GALNT13: variants seen among roughly 807,000 people sequenced by gnomAD.
The protein encoded by GALNT13 is UDP-GalNAc:polypeptide N-acetylgalactosaminyltransferase 13.
Under a neutral mutation model 64.2 loss-of-function variants are expected in GALNT13, and 28 were observed. The observed-to-expected ratio is 0.44, with a 90% CI of 0.32 to 0.60. GALNT13 has a LOEUF of 0.60. GALNT13 is among the 20% of genes least tolerant of loss of function. GALNT13 has a pLI of 0.05. For missense variants in GALNT13, 577 were observed against 669.8 expected (o/e 0.86, Z 1.53); for synonymous variants, 214 against 224.6 (o/e 0.95, Z 0.42).
the GALNT13 span, among the ~76,000 whole-genome samples, chr2:153,515,518 A>G: frequency 6.6e-6 from 1 of 152,188 alleles, no homozygotes; most frequent in Admixed American, 6.5e-5. Flanking sequence ...AGCAACAACC[A>G]TGTACCAAAT....
At chr2:153,850,885 T>C in the GALNT13 span, among the ~76,000 whole-genome samples, 1 of 152,076 alleles carries the variant, frequency 6.6e-6, no homozygotes, top group African/African-American at 2.4e-5. Context: ...AAAAAAGCAT[T>C]AGGATATGTG....
chr2:153,943,928 A>G (rs991728026), intron 2 of GALNT13, among the ~76,000 whole-genome samples: 1 of 152,204 alleles, frequency 6.6e-6, no homozygotes, highest in Non-Finnish European at 1.5e-5. Flanking sequence ...TGTGGCTTAG[A>G]AAGTCTTCTA....
At chr2:153,419,956 C>A in the GALNT13 span, among the ~76,000 whole-genome samples, 1 of 151,992 alleles carries the variant, frequency 6.6e-6, no homozygotes, top group Non-Finnish European at 1.5e-5. Context: ...TACAACAGAC[C>A]TACCTAAAAC....
chr2:154,074,338 C>T (rs1328611063), intron 3 of GALNT13, among the ~76,000 whole-genome samples: 2 of 151,774 alleles, frequency 1.3e-5, no homozygotes, highest in East Asian at 1.9e-4. Flanking sequence ...GAGAGCCAGT[C>T]GACTGGTATA....
At chr2:154,303,036 A>G (rs137925801) in intron 9 of GALNT13, among the ~76,000 whole-genome samples, 136 of 152,240 alleles carry the variant, frequency 8.9e-4, no homozygotes, top group African/African-American at 3.0e-3. Flanking sequence ...TATCTGTCAT[A>G]TGTTTTTATG....
At chr2:153,868,555 A>C (rs1362086526), upstream of GALNT13, among the ~76,000 whole-genome samples, 1 of 152,210 alleles carries the variant, frequency 6.6e-6, no homozygotes, top group East Asian at 1.9e-4. Context: ...TTTATCCATC[A>C]TTCCTAATAA....
chr2:153,581,129 T>A, the GALNT13 span, among the ~76,000 whole-genome samples: 1 of 152,106 alleles, frequency 6.6e-6, no homozygotes. Flanking sequence ...TGTACCTTAG[T>A]TTTGAACAGT....
chr2:154,282,085 G>A (rs112946591), intron 8 of GALNT13, among the ~76,000 whole-genome samples: 2,918 of 152,200 alleles, frequency 0.019, 70 homozygotes, highest in African/African-American at 0.059. Flanking sequence ...ACATTGGTGG[G>A]ATAAATACAT....
At chr2:153,478,257 C>T in the GALNT13 span, 13 of 1,613,178 alleles carry the variant, frequency 8.1e-6, no homozygotes, top group Non-Finnish European at 1.1e-5. Context: ...CCACGACCAC[C>T]GCCTCCACCT....
the GALNT13 span, among the ~76,000 whole-genome samples, chr2:153,535,406 G>A: frequency 1.3e-5 from 2 of 152,150 alleles, no homozygotes; most frequent in Non-Finnish European, 2.9e-5. Context: ...GGAGATATCA[G>A]CTGTGATGGC....
intron 8 of GALNT13, among the ~76,000 whole-genome samples, chr2:154,264,542 T>A (rs113669166): frequency 1.3e-5 from 2 of 149,260 alleles, no homozygotes; most frequent in South Asian, 4.2e-4. Context: ...GAGGCTGAGG[T>A]AGAAGAATCG....
chr2:153,406,698 A>G, the GALNT13 span, among the ~76,000 whole-genome samples: 1 of 152,158 alleles, frequency 6.6e-6, no homozygotes, highest in South Asian at 2.1e-4. Context: ...ATGAGCCACC[A>G]TGCTGGGCCA....
At chr2:153,342,759 A>G in the GALNT13 span, among the ~76,000 whole-genome samples, 1 of 152,112 alleles carries the variant, frequency 6.6e-6, no homozygotes, top group Non-Finnish European at 1.5e-5. Context: ...TCTCATCTTC[A>G]TGCTCACCCT....
intron 1 of GALNT13, among the ~76,000 whole-genome samples, chr2:153,878,278 A>G (rs1406330140): frequency 1.3e-5 from 2 of 152,062 alleles, no homozygotes; most frequent in Non-Finnish European, 2.9e-5. Context: ...CATTGTACTC[A>G]TTTTCCTAAT....
intron 9 of GALNT13, among the ~76,000 whole-genome samples, chr2:154,387,552 CTTTGAT>C (rs753815948): frequency 3.9e-5 from 6 of 152,010 alleles, no homozygotes; most frequent in Non-Finnish European, 7.4e-5. Context: ...ATTTTATAGT[CTTTGAT>C]TAATAACTCC....
chr2:154,203,317 T>G (rs1157150377), intron 4 of GALNT13, among the ~76,000 whole-genome samples: 2 of 152,132 alleles, frequency 1.3e-5, no homozygotes, highest in African/African-American at 2.4e-5. Flanking sequence ...ATTAATAACT[T>G]ATTAATATTC....
chr2:153,914,800 C>G (rs1194808839), intron 2 of GALNT13, among the ~76,000 whole-genome samples: 2 of 152,066 alleles, frequency 1.3e-5, no homozygotes, highest in Non-Finnish European at 2.9e-5. Context: ...TTTTCCAACC[C>G]TTTCCGTCTT....
chr2:153,277,923 C>CTTTTTTGTTTTTTTTTTTTTTT, the GALNT13 span, among the ~76,000 whole-genome samples: 1 of 78,954 alleles, frequency 1.3e-5, no homozygotes, highest in African/African-American at 5.3e-5. Flanking sequence ...GTTTTCTTTT[C>CTTTTTTGTTTTTTTTTTTTTTT]TTTCTTTTTT....
At chr2:153,205,147 A>C in the GALNT13 span, among the ~76,000 whole-genome samples, 1 of 150,440 alleles carries the variant, frequency 6.6e-6, no homozygotes, top group East Asian at 1.9e-4. Flanking sequence ...CTGCAAGTCT[A>C]CCTCACTATT....
Sources: gnomAD v4.1 joint callset for allele counts (sites outside exome capture counted in the v4.1 genomes callset) on GRCh38, gnomAD v4.1.1 for gene constraint, MANE v1.5 for transcripts, NCBI Gene and HGNC (gene_info 2026-07-23, HGNC 2026-07-21) for gene names.